Variants in GULP1 observed in about 807,000 individuals in gnomAD.
The protein encoded by GULP1 is GULP PTB domain containing engulfment adaptor 1.
GULP1 carries 19 observed loss-of-function variants against 40.9 expected under a neutral mutation model. The ratio of observed to expected loss-of-function variants is 0.46; its 90% CI spans 0.32 to 0.68. GULP1 has a LOEUF of 0.68. GULP1 is among the 30% of genes least tolerant of loss of function. The pLI is 0.03. For synonymous variants in GULP1, 119 were observed against 117.6 expected (o/e 1.01, Z -0.08); for missense variants, 312 against 362.2 (o/e 0.86, Z 1.12).
chr2:188,413,083 T>C (rs1381303167), intron 2 of GULP1, among the ~76,000 whole-genome samples: 3 of 152,218 alleles, frequency 2.0e-5, no homozygotes, highest in Non-Finnish European at 4.4e-5. Flanking sequence ...GCTCTTCCGA[T>C]TGAAAATTGA....
chr2:188,467,424 C>A (rs2060217824), intron 2 of GULP1, among the ~76,000 whole-genome samples: 1 of 151,978 alleles, frequency 6.6e-6, no homozygotes, highest in African/African-American at 2.4e-5. Context: ...ATCAGTTATA[C>A]CCTCCTCTTT....
intron 4 of GULP1, among the ~76,000 whole-genome samples, chr2:188,485,890 G>A (rs1429487980): frequency 6.6e-6 from 1 of 151,922 alleles, no homozygotes; most frequent in East Asian, 1.9e-4. Flanking sequence ...ACTGGATCTG[G>A]CTCATCCAGA....
chr2:188,302,271 A>G (rs1202270074), intron 1 of GULP1, among the ~76,000 whole-genome samples: 1 of 152,144 alleles, frequency 6.6e-6, no homozygotes, highest in Non-Finnish European at 1.5e-5. Context: ...ATTATGCAGG[A>G]GGTAGAGGCT....
chr2:188,540,245 T>C (rs983847039), intron 6 of GULP1, among the ~76,000 whole-genome samples: 3 of 152,104 alleles, frequency 2.0e-5, no homozygotes, highest in African/African-American at 7.2e-5. Flanking sequence ...ATTTCTTTTC[T>C]ACCTCCAACA....
intron 7 of GULP1, among the ~76,000 whole-genome samples, chr2:188,557,644 C>G (rs1695121308): frequency 6.6e-6 from 1 of 152,202 alleles, no homozygotes; most frequent in African/African-American, 2.4e-5. Context: ...GCACAGGGTG[C>G]AAACTCTCAG....
intron 1 of GULP1, among the ~76,000 whole-genome samples, chr2:188,314,998 A>G (rs1353808127): frequency 1.3e-5 from 2 of 152,140 alleles, no homozygotes; most frequent in East Asian, 1.9e-4. Context: ...TAATGGCACC[A>G]AAGCACAGAG....
chr2:188,595,230 A>G lies in GULP1; in HGVS notation c.*1219A>G, dbSNP rs1286533602. ...CTAATTTGTACTCAGTAAAACAAAA[A>G]TTTATGGTCAAAATTTCTAACTTGG... On this transcript the variant is annotated 3_prime_UTR_variant, in exon 12 of 12. Coordinates refer to ENST00000409830, the MANE Select transcript of GULP1 (RefSeq NM_016315.4). 2 of 151,668 alleles carry G rather than the reference A, an allele frequency of 1.3e-5. No individual in the cohort carries two copies. Among genetic ancestry groups the G allele is most frequent in the Non-Finnish European group, 3.0e-5 (2 of 67,690 alleles). 9.4% of individuals were successfully genotyped at this position (151,668 alleles called of 1,614,324 possible).
intron 1 of GULP1, among the ~76,000 whole-genome samples, chr2:188,315,499 T>C (rs890865610): frequency 4.6e-5 from 7 of 152,158 alleles, no homozygotes; most frequent in African/African-American, 1.7e-4. Flanking sequence ...TGTTTCCCAA[T>C]GTCTTTGTTT....
intron 1 of GULP1, among the ~76,000 whole-genome samples, chr2:188,367,465 T>C (rs1361700725): frequency 6.6e-6 from 1 of 152,200 alleles, no homozygotes; most frequent in South Asian, 2.1e-4. Context: ...CTTTAGCTTG[T>C]GGGCATGGCA....
chr2:188,477,021 A>G (rs2061069241), intron 2 of GULP1, among the ~76,000 whole-genome samples: 1 of 152,134 alleles, frequency 6.6e-6, no homozygotes, highest in South Asian at 2.1e-4. Context: ...TGAATACACT[A>G]CAGAACAGGT....
chr2:188,395,199 G>T (rs912370543), intron 2 of GULP1, among the ~76,000 whole-genome samples: 1 of 152,154 alleles, frequency 6.6e-6, no homozygotes, highest in African/African-American at 2.4e-5. Flanking sequence ...CCCCTGTCAG[G>T]CCAGCAGGAA....
At chr2:188,342,405 A>C (rs937501640) in intron 1 of GULP1, among the ~76,000 whole-genome samples, 3 of 152,018 alleles carry the variant, frequency 2.0e-5, no homozygotes, top group African/African-American at 4.8e-5. Context: ...CTCCTTTTAT[A>C]AGGACACTGA....
chr2:188,299,301 A>G (rs1290182841), intron 1 of GULP1, among the ~76,000 whole-genome samples: 2 of 152,162 alleles, frequency 1.3e-5, no homozygotes, highest in Non-Finnish European at 2.9e-5. Flanking sequence ...TACTAAAGCT[A>G]GGGACAAGGA....
intron 10 of GULP1, among the ~76,000 whole-genome samples, chr2:188,586,881 A>C (rs1702493201): frequency 6.6e-6 from 1 of 151,708 alleles, no homozygotes; most frequent in African/African-American, 2.4e-5. Flanking sequence ...TTAATTTTTT[A>C]ATTTTTTAAT....
At chr2:188,391,593 C>A (rs1324538478) in intron 2 of GULP1, among the ~76,000 whole-genome samples, 1 of 151,882 alleles carries the variant, frequency 6.6e-6, no homozygotes, top group Non-Finnish European at 1.5e-5. Context: ...AATTTGGATG[C>A]CCATTATTTG....
chr2:188,503,879 T>C (rs769435231), intron 4 of GULP1, among the ~76,000 whole-genome samples: 16 of 152,072 alleles, frequency 1.1e-4, no homozygotes, highest in African/African-American at 3.6e-4. Context: ...TGAAAAACTT[T>C]AGTAACACAT....
At chr2:188,526,748 G>A (rs114551581) in intron 5 of GULP1, among the ~76,000 whole-genome samples, 4,210 of 152,072 alleles carry the variant, frequency 0.028, 120 homozygotes, top group African/African-American at 0.062. Flanking sequence ...GGTAGAACTG[G>A]GAATTTTCTT....
intron 7 of GULP1, among the ~76,000 whole-genome samples, chr2:188,559,294 G>C (rs949179112): frequency 1.3e-5 from 2 of 152,230 alleles, no homozygotes; most frequent in African/African-American, 4.8e-5. Flanking sequence ...TATGGTTTCA[G>C]AGAGTGCAAG....
rs1161611391 is a variant in GULP1 at position 188,368,943 on chromosome 2, A to G, written c.-171-14820A>G. On this transcript the variant is annotated intron_variant, in intron 1 of 11. Transcript: ENST00000409830. ...TATATGTATATATATATGTGTGTAT[A>G]TATATATATATATATATATATATAT... Among the ~76,000 whole-genome samples the G allele has an allele frequency of 8.1e-3, 87 of 10,702 alleles. 1 individual carries two copies. The highest frequency in any genetic ancestry group is 0.024 in the South Asian group (16 of 674). 7.0% of individuals were successfully genotyped at this position (10,702 alleles called of 152,430 possible).
Sources: gnomAD v4.1 joint callset for allele counts (sites outside exome capture counted in the v4.1 genomes callset) on GRCh38, gnomAD v4.1.1 for gene constraint, MANE v1.5 for transcripts, NCBI Gene and HGNC (gene_info 2026-07-23, HGNC 2026-07-21) for gene names.